ZBTB20: variants seen among roughly 807,000 people sequenced by gnomAD.
ZBTB20 encodes zinc finger and BTB domain-containing protein 20.
Under a neutral mutation model 56.9 loss-of-function variants are expected in ZBTB20, and 9 were observed. The ratio of observed to expected loss-of-function variants is 0.16; its 90% CI spans 0.10 to 0.28. The LOEUF (loss-of-function observed/expected upper bound fraction) is 0.28, where lower values mean the gene tolerates loss of function less well. ZBTB20 is among the 10% of genes least tolerant of loss of function. ZBTB20 has a pLI of 1.00. For synonymous variants in ZBTB20, 417 were observed against 420.7 expected (o/e 0.99, Z 0.11); for missense variants, 655 against 1,003.0 (o/e 0.65, Z 4.69).
At chr3:114,822,443 A>G (rs2073306721) in intron 4 of ZBTB20, among the ~76,000 whole-genome samples, 1 of 152,082 alleles carries the variant, frequency 6.6e-6, no homozygotes, top group Non-Finnish European at 1.5e-5. Flanking sequence ...ACAAACAGAA[A>G]TTTCAGGAAA....
chr3:115,023,003 C>T (rs1341285519), intron 2 of ZBTB20, among the ~76,000 whole-genome samples: 1 of 150,946 alleles, frequency 6.6e-6, no homozygotes, highest in Non-Finnish European at 1.5e-5. Context: ...GAGACCAGCC[C>T]TGACTCATGA....
chr3:114,663,893 T>C (rs1391095057), intron 6 of ZBTB20, among the ~76,000 whole-genome samples: 1 of 151,174 alleles, frequency 6.6e-6, no homozygotes, highest in Admixed American at 6.6e-5. Context: ...ATAAAGCAAG[T>C]CCTGAGTGAC....
chr3:114,509,117 T>C (rs2109781278), intron 6 of ZBTB20, among the ~76,000 whole-genome samples: 1 of 152,236 alleles, frequency 6.6e-6, no homozygotes, highest in African/African-American at 2.4e-5. Flanking sequence ...GTTGTTAGAA[T>C]TAGCAAAACT....
intron 4 of ZBTB20, among the ~76,000 whole-genome samples, chr3:114,858,443 C>A (rs942560338): frequency 6.6e-6 from 1 of 152,024 alleles, no homozygotes; most frequent in East Asian, 1.9e-4. Flanking sequence ...ACATGATTGT[C>A]GAAAGCTTGT....
chr3:114,552,022 C>A (rs1218502398), intron 6 of ZBTB20, among the ~76,000 whole-genome samples: 1 of 152,190 alleles, frequency 6.6e-6, no homozygotes, highest in Non-Finnish European at 1.5e-5. Flanking sequence ...CCAGCCTGGA[C>A]AGCATAGTAA....
chr3:114,720,763 G>T (rs2064857973), intron 5 of ZBTB20, among the ~76,000 whole-genome samples: 1 of 152,144 alleles, frequency 6.6e-6, no homozygotes, highest in Admixed American at 6.6e-5. Context: ...GATTTTCTTT[G>T]ATAGATGCTA....
At chr3:114,876,859 C>A (rs1347579448) in intron 4 of ZBTB20, among the ~76,000 whole-genome samples, 1 of 152,144 alleles carries the variant, frequency 6.6e-6, no homozygotes, top group Non-Finnish European at 1.5e-5. Flanking sequence ...TTCTCTCTTT[C>A]TCTCTAATGC....
chr3:114,317,702 AAAGAGG>A lies in ZBTB20; in HGVS notation c.*21297_*21302del, dbSNP rs2078740311. ...CCCTATCACTTTTTAAAAAAATTGT[AAAGAGG>A]AAGAGGTTCATCTAACTATAAAAGG... is the stretch of plus-strand genomic sequence containing the variant. On this transcript the variant is annotated 3_prime_UTR_variant, in exon 12 of 12. Transcript: ENST00000675478. 1 of 152,196 alleles carries A rather than the reference AAAGAGG, an allele frequency of 6.6e-6. No homozygotes were observed. Among genetic ancestry groups the A allele is most frequent in the Non-Finnish European group, 1.5e-5 (1 of 68,022 alleles). The allele number at this position is 152,196 out of a possible 1,614,324, so 9.4% of individuals were successfully genotyped here. A position where few individuals can be genotyped will look rare whatever the true frequency, so the allele number is the denominator to read the frequency against.
At chr3:114,548,480 A>C (rs1483298368) in intron 6 of ZBTB20, among the ~76,000 whole-genome samples, 1 of 152,066 alleles carries the variant, frequency 6.6e-6, no homozygotes, top group Non-Finnish European at 1.5e-5. Context: ...TTTTAAAAAC[A>C]CAACTGCACT....
chr3:115,005,430 A>C (rs558841030), intron 2 of ZBTB20, among the ~76,000 whole-genome samples: 1 of 151,900 alleles, frequency 6.6e-6, no homozygotes, highest in African/African-American at 2.4e-5. Context: ...CAAACAGTTT[A>C]TATCTGACTA....
chr3:114,433,439 A>G (rs896394657), intron 7 of ZBTB20, among the ~76,000 whole-genome samples: 1 of 152,224 alleles, frequency 6.6e-6, no homozygotes, highest in African/African-American at 2.4e-5. Context: ...AATGAAACCT[A>G]TAAGTAATAA....
intron 6 of ZBTB20, among the ~76,000 whole-genome samples, chr3:114,621,815 A>C (rs964079997): frequency 1.3e-5 from 2 of 152,168 alleles, no homozygotes; most frequent in Non-Finnish European, 2.9e-5. Flanking sequence ...TATTGAAAAA[A>C]TAAGTAATAT....
Position 114,337,899 on chromosome 3 carries a change from A to G in ZBTB20, c.*1106T>C, listed in dbSNP as rs1176537217. ...AAAATGAAAAAAATTACTTTTAACAATTTCACTTTTTTTGTTTTTTTTTTT... is the reference window on the plus strand; with the variant it reads ...AAAATGAAAAAAATTACTTTTAACAGTTTCACTTTTTTTGTTTTTTTTTTT... On this transcript the variant is annotated 3_prime_UTR_variant, in exon 12 of 12. Coordinates refer to ENST00000675478, the MANE Select transcript of ZBTB20 (RefSeq NM_001348800.3). The G allele has an allele frequency of 6.6e-6, 1 of 151,740 alleles. No individual in the cohort carries two copies. The highest frequency in any genetic ancestry group is 2.4e-5 in the African/African-American group (1 of 41,324). 9.4% of individuals were successfully genotyped at this position (151,740 alleles called of 1,614,324 possible).
At chr3:115,111,443 C>A (rs903468877) in intron 1 of ZBTB20, among the ~76,000 whole-genome samples, 6 of 152,144 alleles carry the variant, frequency 3.9e-5, no homozygotes, top group African/African-American at 1.4e-4. Flanking sequence ...AAATAAACTG[C>A]AAACCACTGT....
intron 2 of ZBTB20, among the ~76,000 whole-genome samples, chr3:115,054,225 G>A (rs925003400): frequency 6.6e-6 from 1 of 152,040 alleles, no homozygotes; most frequent in Non-Finnish European, 1.5e-5. Context: ...CAAATGATCT[G>A]TTTACAGGGA....
intron 7 of ZBTB20, among the ~76,000 whole-genome samples, chr3:114,406,986 T>C (rs2087395204): frequency 6.6e-6 from 1 of 152,190 alleles, no homozygotes; most frequent in Admixed American, 6.5e-5. Context: ...CTTGTGACTA[T>C]TCATTGTTCC....
intron 10 of ZBTB20, among the ~76,000 whole-genome samples, chr3:114,365,631 C>T (rs1450306804): frequency 6.6e-6 from 1 of 152,182 alleles, no homozygotes; most frequent in Non-Finnish European, 1.5e-5. Context: ...TTGCAGAAAA[C>T]TGTGCAGGAT....
At chr3:114,948,463 T>C (rs1169084508) in intron 3 of ZBTB20, among the ~76,000 whole-genome samples, 1 of 146,154 alleles carries the variant, frequency 6.8e-6, no homozygotes. Context: ...TTATATGGAA[T>C]GAAAAGGTAG....
intron 7 of ZBTB20, among the ~76,000 whole-genome samples, chr3:114,494,956 G>A (rs553321806): frequency 6.6e-6 from 1 of 152,212 alleles, no homozygotes; most frequent in South Asian, 2.1e-4. Context: ...ATATGATTCT[G>A]TTTCTCTTCA....
Sources: allele counts gnomAD v4.1 joint callset (sites outside exome capture counted in the v4.1 genomes callset), GRCh38; gene constraint gnomAD v4.1.1; transcripts MANE v1.5; gene names NCBI Gene and HGNC (gene_info 2026-07-23, HGNC 2026-07-21).